Variants in HIRA observed in about 807,000 individuals in gnomAD.
HIRA encodes the protein histone cell cycle regulator, also known as protein HIRA.
HIRA carries 13 observed loss-of-function variants against 126.6 expected under a neutral mutation model. That is an observed-to-expected ratio of 0.10 (90% CI 0.07 to 0.16). The LOEUF (loss-of-function observed/expected upper bound fraction) is 0.16, where lower values mean the gene tolerates loss of function less well. Among genes scored for constraint, HIRA ranks in the 10% least tolerant of loss-of-function variants. The pLI, the probability that HIRA is intolerant of heterozygous loss-of-function variation, is 1.00. For missense variants in HIRA, 834 were observed against 1,314.4 expected (o/e 0.63, Z 5.65); for synonymous variants, 511 against 520.0 (o/e 0.98, Z 0.24).
chr22:19,424,359 C>A (rs1049691840), intron 1 of HIRA, among the ~76,000 whole-genome samples: 1 of 152,206 alleles, frequency 6.6e-6, no homozygotes, highest in African/African-American at 2.4e-5. Flanking sequence ...ACAGACCTCT[C>A]CCTTCTGCTT....
Position 19,396,724 on chromosome 22 carries a change from C to G in HIRA, c.654+63G>C. On this transcript the variant is annotated intron_variant, in intron 7 of 24. Coordinates refer to ENST00000263208, the MANE Select transcript of HIRA (RefSeq NM_003325.4). Reference sequence around the variant, plus strand: ...CCATGGCCAGCTCCCTCTCTGTACACAGAAGTCAGGAAGAGGCTGGGGCAG... The same window carrying G: ...CCATGGCCAGCTCCCTCTCTGTACAGAGAAGTCAGGAAGAGGCTGGGGCAG... 3 of 1,564,864 alleles carry G rather than the reference C, an allele frequency of 1.9e-6. No homozygotes were observed. In the South Asian group the frequency reaches 3.4e-5, roughly 18 times the overall value.
At position 19,330,773 on chromosome 22, in the gene HIRA, AAC is replaced by A. The variant is rs1196358030; in HGVS notation, c.*665_*666del. The A allele has an allele frequency of 1.3e-5, 2 of 159,556 alleles. No individual in the cohort carries two copies. The highest frequency in any genetic ancestry group is 2.8e-5 in the Non-Finnish European group (2 of 72,078). 9.9% of individuals were successfully genotyped at this position (159,556 alleles called of 1,614,324 possible). On this transcript the variant is annotated 3_prime_UTR_variant, in exon 25 of 25. Transcript: ENST00000263208. Reference sequence around the variant, plus strand: ...CCACCCCTTTGCCCCATTCCCCCAAAACAGTCTCTTTTTACAAACATTTAAAA... The same window carrying A: ...CCACCCCTTTGCCCCATTCCCCCAAAAGTCTCTTTTTACAAACATTTAAAA...
chr22:19,356,788 C>T, intron 19 of HIRA, 102 bp downstream of exon 19: 1 of 1,207,268 alleles, frequency 8.3e-7, no homozygotes, highest in Non-Finnish European at 1.2e-6. Flanking sequence ...GCCTGATGGC[C>T]AGCCTTGTCC....
chr22:19,375,683 C>T lies in HIRA; in HGVS notation c.1723G>A (p.Ala575Thr). Residue 575 changes from alanine to threonine, a missense_variant, in exon 15 of 25, where the codon GCC becomes ACC. Around this residue, in one of 5 missense-constraint regions of HIRA, gnomAD observed 468 missense variants for 574.2 expected, o/e 0.82. Coordinates refer to ENST00000263208, the MANE Select transcript of HIRA (RefSeq NM_003325.4). ...FDSRFTERSK[A>T]TPGAPALTSM... ...GTCAGGGCAGGAGCACCTGGTGTGG[C>T]TTTGGACCGCTCTGTGAACCGGGAG... The T allele has an allele frequency of 6.2e-7, 1 of 1,614,178 alleles. No individual in the cohort carries two copies. The highest frequency in any genetic ancestry group is 8.5e-7 in the Non-Finnish European group (1 of 1,180,040).
At chr22:19,407,323 T>C (rs779547463) in intron 3 of HIRA, 49 bp from the exon 4 acceptor site, 64 of 1,451,184 alleles carry the variant, frequency 4.4e-5, no homozygotes, top group Non-Finnish European at 5.3e-5. Context: ...GTCATGCCCA[T>C]TTGCTTTATG....
At chr22:19,397,389 C>T (rs2089232797) in intron 6 of HIRA, among the ~76,000 whole-genome samples, 1 of 152,238 alleles carries the variant, frequency 6.6e-6, no homozygotes, top group South Asian at 2.1e-4. Context: ...CCAAATGCTA[C>T]TCCGGTCTCT....
chr22:19,359,344 C>T lies in HIRA; in HGVS notation c.2226G>A (p.Ala742=), dbSNP rs138814028. The T allele has an allele frequency of 1.3e-5, 20 of 1,588,854 alleles. No individual in the cohort carries two copies. The East Asian group carries it at 1.6e-4, about 13-fold the overall frequency. Reference sequence around the variant, plus strand: ...GACCTGCCCACCCTTACCAGCTGCCCGCAGCAGTGAGGATCCGGCTGGTGA... The same window carrying T: ...GACCTGCCCACCCTTACCAGCTGCCTGCAGCAGTGAGGATCCGGCTGGTGA... ...TVLTSRILTA[A]GSCDVVCVAC... is the part of the protein sequence containing the mutation. Residue 742 remains alanine (A), a synonymous_variant, in exon 18 of 25, where the codon GCG becomes GCA. Coordinates refer to ENST00000263208, the MANE Select transcript of HIRA (RefSeq NM_003325.4).
rs1177092396 is a variant in HIRA, at chr22:19,359,383, C to T, written c.2187G>A (p.Glu729=). The change falls in exon 18 of 25, where the codon GAG becomes GAA. Residue 729 remains glutamate, a synonymous_variant. Transcript: ENST00000263208. ...SRLKCNREGK[E]WETVLTSRIL... ...TCCGGCTGGTGAGTACCGTCTCCCA[C>T]TCCTTCCCTTCCCGGTTGCACTTCA... 4 of 1,610,492 alleles carry T rather than the reference C, an allele frequency of 2.5e-6. No individual in the cohort carries two copies. The Admixed American group carries it at 5.1e-5, about 20-fold the overall frequency.
chr22:19,367,045 G>C (rs1273387561), intron 15 of HIRA, among the ~76,000 whole-genome samples: 1 of 152,178 alleles, frequency 6.6e-6, no homozygotes, highest in Non-Finnish European at 1.5e-5. Flanking sequence ...TTACAGGTGT[G>C]AGCCACTGCA....
chr22:19,385,573 G>A lies in HIRA; in HGVS notation c.1277C>T (p.Ala426Val), dbSNP rs1360931359. 2 of 1,614,000 alleles carry A rather than the reference G, an allele frequency of 1.2e-6. No homozygotes were observed. Among genetic ancestry groups the A allele is most frequent in the African/African-American group, 2.7e-5 (2 of 74,944 alleles). The part of the protein sequence containing the change: ...KSAATREMGS[A>V]TSVAGVVNGE... ...GTTGACAACGCCTGCGACTGAGGTG[G>A]CTGAGCCCATCTCCCTGGTCGCAGC... Residue 426 changes from alanine to valine, a missense_variant, in exon 12 of 25, where the codon GCC (alanine) becomes GTC (valine). Coordinates refer to ENST00000263208, the MANE Select transcript of HIRA (RefSeq NM_003325.4).
chr22:19,387,864 A>T, intron 10 of HIRA, 48 bp from the exon 11 acceptor site: 1 of 1,387,038 alleles, frequency 7.2e-7, no homozygotes, highest in South Asian at 1.2e-5. Context: ...CCCCAGGCAG[A>T]CACATGTGCC....
In HIRA at chr22:19,408,608, C is replaced by A; in HGVS notation, c.101-15G>T. On this transcript the variant is annotated splice_polypyrimidine_tract_variant and intron_variant, in intron 2 of 24. Coordinates refer to ENST00000263208, the MANE Select transcript of HIRA (RefSeq NM_003325.4). Reference sequence around the variant, plus strand: ...AGAATCCTGCCCTGGAACAAAGGAGCAGAAATGGCTGAATGTGCAAGGAGT... The same window carrying A: ...AGAATCCTGCCCTGGAACAAAGGAGAAGAAATGGCTGAATGTGCAAGGAGT... 6.8e-7 allele frequency: 1 copy of A among 1,469,430 alleles called. No individual in the cohort carries two copies. The highest frequency in any genetic ancestry group is 9.5e-7 in the Non-Finnish European group (1 of 1,048,170). The allele number at this position is 1,469,430 out of a possible 1,614,324, so 91.0% of individuals were successfully genotyped here. A position where few individuals can be genotyped will look rare whatever the true frequency, so the allele number is the denominator to read the frequency against.
chr22:19,343,884 AAAAG>A (rs2088658745), intron 24 of HIRA, among the ~76,000 whole-genome samples: 1 of 77,096 alleles, frequency 1.3e-5, no homozygotes, highest in African/African-American at 3.6e-5. Context: ...GGAAAAAAAA[AAAAG>A]AGAGAGAGAG....
At chr22:19,343,045 A>C (rs950576691) in intron 24 of HIRA, among the ~76,000 whole-genome samples, 9 of 152,236 alleles carry the variant, frequency 5.9e-5, no homozygotes, top group African/African-American at 2.2e-4. Flanking sequence ...GAGCTAACCT[A>C]TGAGGATGCA....
chr22:19,349,755 G>A (rs2146185308), intron 24 of HIRA, among the ~76,000 whole-genome samples: 1 of 152,240 alleles, frequency 6.6e-6, no homozygotes, highest in Admixed American at 6.5e-5. Flanking sequence ...AAAAAATTAG[G>A]CCTCTGTACA....
intron 17 of HIRA, among the ~76,000 whole-genome samples, chr22:19,359,982 T>C (rs936839483): frequency 3.3e-5 from 5 of 152,084 alleles, no homozygotes; most frequent in Middle Eastern, 3.2e-3. Context: ...GTTCCTGTGG[T>C]GGTGAGACTT....
At chr22:19,366,341 G>A (rs1428923486) in intron 15 of HIRA, among the ~76,000 whole-genome samples, 4 of 152,300 alleles carry the variant, frequency 2.6e-5, no homozygotes, top group South Asian at 2.1e-4. Context: ...CAGCCTGGGC[G>A]ACAGAGCGAG....
Position 19,354,106 on chromosome 22 carries a change from A to C in HIRA, c.2574T>G (p.Ser858=), listed in dbSNP as rs146435734. The C allele has an allele frequency of 9.4e-5, 151 of 1,612,980 alleles. 1 individual carries two copies. In the African/African-American group the frequency reaches 2.0e-3, roughly 21 times the overall value. Residue 858 remains serine, a synonymous_variant, in exon 22 of 25, where the codon TCT becomes TCG. Transcript: ENST00000263208. ...ACTGAGCCAGTGAGTCCTGCTTGTC[A>C]GAAACCAGGTTCCTGGGGAGGCAAA... ...NPSLSTWNLV[S]DKQDSLAQCA... is the part of the protein sequence containing the mutation.
intron 1 of HIRA, among the ~76,000 whole-genome samples, chr22:19,429,133 CTTTTT>C (rs57853722): frequency 1.8e-3 from 142 of 77,272 alleles, no homozygotes; most frequent in African/African-American, 7.1e-3. Flanking sequence ...GTTGCCATAT[CTTTTT>C]TTTTTTTTTT....
Sources: gnomAD v4.1 joint callset for allele counts (sites outside exome capture counted in the v4.1 genomes callset) on GRCh38, gnomAD v4.1.1 for gene constraint, gnomAD v4.1.1 regional missense constraint, MANE v1.5 for transcripts, NCBI Gene and HGNC (gene_info 2026-07-23, HGNC 2026-07-21) for gene names.